BMF: variants seen among roughly 807,000 people sequenced by gnomAD.
The protein encoded by BMF is bcl-2-modifying factor.
A neutral mutation model predicts 22.0 loss-of-function variants in BMF; 10 were observed. The observed-to-expected ratio is 0.45, with a 90% CI of 0.28 to 0.77. The LOEUF (loss-of-function observed/expected upper bound fraction) is 0.77, where lower values mean the gene tolerates loss of function less well. BMF is among the 30% of genes least tolerant of loss of function. BMF has a pLI of 0.13. For missense variants in BMF, 206 were observed against 226.8 expected (o/e 0.91, Z 0.59); for synonymous variants, 87 against 88.1 (o/e 0.99, Z 0.07).
intron 4 of BMF, among the ~76,000 whole-genome samples, chr15:40,102,521 G>C (rs1465750806): frequency 6.6e-6 from 1 of 151,832 alleles, no homozygotes; most frequent in East Asian, 1.9e-4. Flanking sequence ...CTGTATCCTA[G>C]TCCTGTGCCA....
intron 4 of BMF, among the ~76,000 whole-genome samples, chr15:40,093,332 A>G (rs1345181498): frequency 6.6e-6 from 1 of 152,222 alleles, no homozygotes; most frequent in African/African-American, 2.4e-5. Context: ...AGCCTGGAAA[A>G]CAACCCGGCA....
Position 40,104,207 on chromosome 15 carries a change from G to A in BMF, c.426C>T (p.Asp142=). 1 of 1,614,226 alleles carries A rather than the reference G, an allele frequency of 6.2e-7. No homozygotes were observed. The highest frequency in any genetic ancestry group is 8.5e-7 in the Non-Finnish European group (1 of 1,180,024). The change falls in exon 4 of 5, where the codon GAC becomes GAT. Residue 142 remains aspartate (D), a synonymous_variant. Transcript: ENST00000354670. ...GCTGCACATGAAGCCGGTGGAACTG[G>A]TCTGCAATGCACTGAAGCTTTCGGG... ...QIARKLQCIA[D]QFHRLHVQQH...
chr15:40,091,940 G>T, intron 4 of BMF, 52 bp from the exon 5 acceptor site: 1 of 1,323,238 alleles, frequency 7.6e-7, no homozygotes, highest in Non-Finnish European at 1.1e-6. Flanking sequence ...CGCAATCTTA[G>T]ACGACTCCCT....
intron 4 of BMF, among the ~76,000 whole-genome samples, chr15:40,095,868 G>A (rs1026884413): frequency 1.3e-5 from 2 of 152,186 alleles, no homozygotes; most frequent in African/African-American, 4.8e-5. Flanking sequence ...TCTTGCCACG[G>A]ACAGGGGATG....
At chr15:40,093,786 A>G (rs1207827286) in intron 4 of BMF, among the ~76,000 whole-genome samples, 1 of 152,138 alleles carries the variant, frequency 6.6e-6, no homozygotes, top group Non-Finnish European at 1.5e-5. Flanking sequence ...GGGGGTGGGG[A>G]GGTGCCAGGC....
rs1246810675 is a variant in BMF, at chr15:40,088,007, T to C, written c.*3780A>G. 1 of 152,418 alleles carries C rather than the reference T, an allele frequency of 6.6e-6. No homozygotes were observed. The highest frequency in any genetic ancestry group is 1.5e-5 in the Non-Finnish European group (1 of 68,028). 9.4% of individuals were successfully genotyped at this position (152,418 alleles called of 1,614,324 possible). A position where few individuals can be genotyped will look rare whatever the true frequency, so the allele number is the denominator to read the frequency against. ...CATAAAGCCAAAGGCTCTGTACAGT[T>C]TTTTAAAAAATGGGGCCCCTTTCTT... On this transcript the variant is annotated 3_prime_UTR_variant, in exon 5 of 5. Coordinates refer to ENST00000354670, the MANE Select transcript of BMF (RefSeq NM_001003940.2).
At position 40,106,187 on chromosome 15, in the gene BMF, T is replaced by C; in HGVS notation, c.-5-96A>G. ...CTTCTTCCTACCATACTCCCCCTTCTTATTTGAGCTGGCCGGACCACATAC... is the reference window on the plus strand; with the variant it reads ...CTTCTTCCTACCATACTCCCCCTTCCTATTTGAGCTGGCCGGACCACATAC... On this transcript the variant is annotated intron_variant, in intron 2 of 4. Coordinates refer to ENST00000354670, the MANE Select transcript of BMF (RefSeq NM_001003940.2). The surrounding 1 kb of genome is among the most constrained non-coding windows in gnomAD (Gnocchi z 4.1). The C allele has an allele frequency of 7.2e-7, 1 of 1,384,690 alleles. No homozygotes were observed. The highest frequency in any genetic ancestry group is 9.6e-7 in the Non-Finnish European group (1 of 1,041,400). 85.8% of individuals were successfully genotyped at this position (1,384,690 alleles called of 1,614,324 possible). A position where few individuals can be genotyped will look rare whatever the true frequency, so the allele number is the denominator to read the frequency against.
chr15:40,092,484 C>T (rs1036066978), intron 4 of BMF, among the ~76,000 whole-genome samples: 2 of 151,966 alleles, frequency 1.3e-5, no homozygotes, highest in African/African-American at 2.4e-5. Context: ...CACCCTTGTG[C>T]GCCCGCCCGC....
intron 4 of BMF, among the ~76,000 whole-genome samples, chr15:40,102,440 T>C (rs984027206): frequency 7.0e-5 from 7 of 99,834 alleles, no homozygotes; most frequent in Admixed American, 2.9e-4. Context: ...AAAAAAAAAA[T>C]CAGGGCCAGA....
intron 3 of BMF, among the ~76,000 whole-genome samples, chr15:40,105,017 C>T (rs1471553995): frequency 1.3e-5 from 2 of 152,172 alleles, no homozygotes; most frequent in South Asian, 2.1e-4. Flanking sequence ...CCCGCCTGCC[C>T]GCCTTATCCA....
intron 4 of BMF, among the ~76,000 whole-genome samples, chr15:40,100,756 T>C (rs1179277690): frequency 2.6e-5 from 4 of 152,264 alleles, no homozygotes; most frequent in East Asian, 1.9e-4. Context: ...TTGGAACCTG[T>C]TGCATCTGGA....
At chr15:40,093,182 T>G (rs879341869) in intron 4 of BMF, among the ~76,000 whole-genome samples, 2 of 152,200 alleles carry the variant, frequency 1.3e-5, no homozygotes, top group Non-Finnish European at 2.9e-5. Context: ...ACCATGCAGG[T>G]TGCTGGCTTC....
chr15:40,090,905 C>T lies in BMF; in HGVS notation c.*882G>A, dbSNP rs564995796. On this transcript the variant is annotated 3_prime_UTR_variant, in exon 5 of 5. Transcript: ENST00000354670. ...GCCGATGTTGGGGGTGGAATGCGGT[C>T]TGTCGGTGGGGTCTTTTGAAAGAAG... is the stretch of plus-strand genomic sequence containing the variant. The T allele has an allele frequency of 2.6e-5, 4 of 152,260 alleles. No individual in the cohort carries two copies. The highest frequency in any genetic ancestry group is 6.5e-5 in the Admixed American group (1 of 15,278). The allele number at this position is 152,260 out of a possible 1,614,324, so 9.4% of individuals were successfully genotyped here. A position where few individuals can be genotyped will look rare whatever the true frequency, so the allele number is the denominator to read the frequency against.
rs2036540315 is a variant in BMF at position 40,104,308 on chromosome 15, T to C, written c.325A>G (p.Ser109Gly). 4 of 1,614,088 alleles carry C rather than the reference T, an allele frequency of 2.5e-6. No individual in the cohort carries two copies. Among genetic ancestry groups the C allele is most frequent in the Admixed American group, 1.7e-5 (1 of 60,006 alleles). Residue 109 changes from serine (S) to glycine (G), a missense_variant, in exon 4 of 5, where the codon AGT becomes GGT. By Grantham distance (56) the Ser-to-Gly change is moderately conservative. Coordinates refer to ENST00000354670, the MANE Select transcript of BMF (RefSeq NM_001003940.2). Reference protein sequence around the residue: ...NAGYRLPLPASFPAVLPIGEQ... With the variant: ...NAGYRLPLPAGFPAVLPIGEQ... The stretch of plus-strand genomic sequence containing the variant: ...CCAATGGGCAAGACTGCTGGGAAAC[T>C]GGCAGGGAGAGGAAGCCGATAGCCA...
chr15:40,097,741 C>G (rs1477230595), intron 4 of BMF, among the ~76,000 whole-genome samples: 1 of 152,222 alleles, frequency 6.6e-6, no homozygotes, highest in Admixed American at 6.5e-5. Flanking sequence ...AAGGAGCAGG[C>G]TCCTCCTTCC....
Position 40,091,651 on chromosome 15 carries a change from A to G in BMF, c.*136T>C, listed in dbSNP as rs755172742. The G allele has an allele frequency of 8.8e-6, 6 of 682,024 alleles. No individual in the cohort carries two copies. Among genetic ancestry groups the G allele is most frequent in the Admixed American group, 2.9e-5 (1 of 34,488 alleles). 42.2% of individuals were successfully genotyped at this position (682,024 alleles called of 1,614,324 possible). A position where few individuals can be genotyped will look rare whatever the true frequency, so the allele number is the denominator to read the frequency against. On this transcript the variant is annotated 3_prime_UTR_variant, in exon 5 of 5. Transcript: ENST00000354670. ...TTGAGTATGTTGTATGTACACTCAG[A>G]GAGAAATTAAAAAAAATTAAAACAC...
At position 40,090,452 on chromosome 15, in the gene BMF, CTGGTTAA is replaced by C. The variant is rs2036210541; in HGVS notation, c.*1328_*1334del. 6.5e-6 allele frequency: 1 copy of C among 152,682 alleles called. No individual in the cohort carries two copies. The highest frequency in any genetic ancestry group is 2.1e-4 in the South Asian group (1 of 4,832). The allele number at this position is 152,682 out of a possible 1,614,324, so 9.5% of individuals were successfully genotyped here. Reference sequence around the variant, plus strand: ...AAAGTTATAATTTAGTTTCTAGCGTCTGGTTAACAGATTCCCTGTGCCTGCTATCGGA... The same window carrying C: ...AAAGTTATAATTTAGTTTCTAGCGTCCAGATTCCCTGTGCCTGCTATCGGA... On this transcript the variant is annotated 3_prime_UTR_variant, in exon 5 of 5. Coordinates refer to ENST00000354670, the MANE Select transcript of BMF (RefSeq NM_001003940.2).
At chr15:40,096,084 C>A (rs2036353327) in intron 4 of BMF, among the ~76,000 whole-genome samples, 1 of 150,496 alleles carries the variant, frequency 6.6e-6, no homozygotes, top group African/African-American at 2.5e-5. Context: ...CTGGCCAGGT[C>A]TAAAGATGTA....
At chr15:40,098,088 G>A (rs1040839581) in intron 4 of BMF, among the ~76,000 whole-genome samples, 2 of 152,224 alleles carry the variant, frequency 1.3e-5, no homozygotes, top group Non-Finnish European at 2.9e-5. Flanking sequence ...CTTGCCAAGA[G>A]CTTCCTCAGC....
Sources: gnomAD v4.1 joint callset for allele counts (sites outside exome capture counted in the v4.1 genomes callset) on GRCh38, gnomAD v4.1.1 for gene constraint, Gnocchi (gnomAD v3.1) non-coding constraint, MANE v1.5 for transcripts, NCBI Gene and HGNC (gene_info 2026-07-23, HGNC 2026-07-21) for gene names.